The following GLCCI1 variants were observed in gnomAD, a reference collection of about 807,000 sequenced individuals.
GLCCI1 encodes the protein glucocorticoid-induced transcript 1 protein.
Under a neutral mutation model 52.2 loss-of-function variants are expected in GLCCI1, and 24 were observed. The ratio of observed to expected loss-of-function variants is 0.46; its 90% CI spans 0.33 to 0.65. The LOEUF (loss-of-function observed/expected upper bound fraction) is 0.65. Ranked by LOEUF, GLCCI1 falls within the 30% of genes least tolerant of loss-of-function variation. GLCCI1 has a pLI of 0.02. For missense variants in GLCCI1, 704 were observed against 701.5 expected (o/e 1.00, Z -0.04); for synonymous variants, 310 against 276.5 (o/e 1.12, Z -1.20).
At chr7:8,078,497 T>A (rs1026785060) in intron 6 of GLCCI1, 1 of 152,248 alleles carries the variant, frequency 6.6e-6, no homozygotes, top group East Asian at 1.9e-4. Flanking sequence ...CTAGGTGATA[T>A]ATGTATATAA....
rs111483020 is a variant in GLCCI1, at chr7:7,981,468, G to A, written c.457+11661G>A. The A allele has an allele frequency of 2.4e-4, 47 of 199,340 alleles. 1 individual carries two copies. Among genetic ancestry groups the A allele is most frequent in the African/African-American group, 6.5e-4 (27 of 41,726 alleles). 12.3% of individuals were successfully genotyped at this position (199,340 alleles called of 1,614,324 possible). On this transcript the variant is annotated intron_variant, in intron 1 of 7. Coordinates refer to ENST00000223145, the MANE Select transcript of GLCCI1 (RefSeq NM_138426.4). The stretch of plus-strand genomic sequence containing the variant: ...CTCCCAAGTAGCTGGGACTACAGGC[G>A]TGTGCCACCACACCTGGCTAATTTT...
chr7:8,061,380 G>T (rs1481505745), intron 5 of GLCCI1, among the ~76,000 whole-genome samples: 1 of 151,926 alleles, frequency 6.6e-6, no homozygotes, highest in Admixed American at 6.5e-5. Flanking sequence ...GATTACAGGC[G>T]TGAGCCACTG....
chr7:8,000,557 G>A (rs933294323), intron 1 of GLCCI1, among the ~76,000 whole-genome samples: 1 of 151,802 alleles, frequency 6.6e-6, no homozygotes, highest in Non-Finnish European at 1.5e-5. Context: ...CAACCAGAAG[G>A]CTCGCTACAA....
In GLCCI1 at chr7:8,070,991, T is replaced by C. The variant is rs756581695; in HGVS notation, c.1037T>C (p.Ile346Thr). The change falls in exon 6 of 8, where the codon ATT becomes ACT. Residue 346 changes from isoleucine (I) to threonine (T), a missense_variant. Physicochemically the swap from Ile to Thr is moderately conservative, Grantham distance 89. Transcript: ENST00000223145. ...AHYRSSSTRS[I>T]DTQTPSVQER... ...TACCGGAGCAGTAGTACTCGCAGCA[T>C]TGACACTCAGACTCCTTCTGTCCAG... is the stretch of plus-strand genomic sequence containing the variant. 4 of 1,614,222 alleles carry C rather than the reference T, an allele frequency of 2.5e-6. No homozygotes were observed. The South Asian group carries it at 3.3e-5, about 13-fold the overall frequency.
chr7:8,064,917 T>G lies in GLCCI1; in HGVS notation c.966+4669T>G, dbSNP rs541860634. ...TATTTTAGTAGAGACGGGGTTTCAC[T>G]GTGTTGGCCAGGATGGTCTCGATCT... On this transcript the variant is annotated intron_variant, in intron 5 of 7. Coordinates refer to ENST00000223145, the MANE Select transcript of GLCCI1 (RefSeq NM_138426.4). Among the ~76,000 whole-genome samples, 5 of 152,124 alleles carry G rather than the reference T, an allele frequency of 3.3e-5. No homozygotes were observed. In the South Asian group the frequency reaches 8.3e-4, roughly 25 times the overall value.
chr7:8,059,757 C>T (rs572630627), intron 4 of GLCCI1, among the ~76,000 whole-genome samples: 1 of 152,256 alleles, frequency 6.6e-6, no homozygotes, highest in African/African-American at 2.4e-5. Flanking sequence ...ATTTAAGTTA[C>T]GTGACTTCAA....
chr7:8,060,419 C>T (rs1782488281), intron 5 of GLCCI1, among the ~76,000 whole-genome samples, 171 bp downstream of exon 5: 1 of 152,132 alleles, frequency 6.6e-6, no homozygotes, highest in Non-Finnish European at 1.5e-5. Context: ...ACAACTGTCA[C>T]CACAATCAAT....
chr7:7,969,313 C>G lies in GLCCI1; in HGVS notation c.-38C>G, dbSNP rs1259346493. 4 of 1,403,350 alleles carry G rather than the reference C, an allele frequency of 2.9e-6. No homozygotes were observed. The highest frequency in any genetic ancestry group is 1.4e-5 in the South Asian group (1 of 73,880). 86.9% of individuals were successfully genotyped at this position (1,403,350 alleles called of 1,614,324 possible). A position where few individuals can be genotyped will look rare whatever the true frequency, so the allele number is the denominator to read the frequency against. ...TCGCGCGCCTCCCGCCCCGCGCCTC[C>G]GTGTCGGCCGGCGGCGTCCAGGGCC... On this transcript the variant is annotated 5_prime_UTR_variant, in exon 1 of 8. Transcript: ENST00000223145. This position sits in a 1 kb window ranked among gnomAD's most constrained non-coding sequence, Gnocchi z 4.9.
At chr7:8,053,678 C>T (rs940080520) in intron 3 of GLCCI1, among the ~76,000 whole-genome samples, 9 of 151,828 alleles carry the variant, frequency 5.9e-5, no homozygotes, top group South Asian at 2.1e-4. Context: ...AGTTGGGACC[C>T]GTTTCAAGTT....
intron 4 of GLCCI1, among the ~76,000 whole-genome samples, chr7:8,058,753 A>G (rs769825569): frequency 2.0e-5 from 3 of 152,220 alleles, no homozygotes; most frequent in East Asian, 1.9e-4. Flanking sequence ...TTCAACAACA[A>G]TGGGGGTTGG....
chr7:7,971,424 C>T (rs777618698), intron 1 of GLCCI1, among the ~76,000 whole-genome samples: 24 of 152,174 alleles, frequency 1.6e-4, no homozygotes, highest in Non-Finnish European at 2.2e-4. Flanking sequence ...AAAACAGTTA[C>T]ATAAATTTTT....
At chr7:8,023,191 A>G (rs1259701996) in intron 3 of GLCCI1, among the ~76,000 whole-genome samples, 1 of 151,800 alleles carries the variant, frequency 6.6e-6, no homozygotes, top group African/African-American at 2.4e-5. Flanking sequence ...AATTTTTTGT[A>G]TTTTTAGTAG....
At chr7:8,084,272 G>A (rs987424651) in intron 6 of GLCCI1, among the ~76,000 whole-genome samples, 8 of 152,162 alleles carry the variant, frequency 5.3e-5, no homozygotes, top group Admixed American at 1.3e-4. Context: ...TGGAGATTTT[G>A]CATGTCTTCT....
intron 6 of GLCCI1, among the ~76,000 whole-genome samples, chr7:8,073,152 C>T (rs943465459): frequency 6.6e-6 from 1 of 152,062 alleles, no homozygotes; most frequent in Non-Finnish European, 1.5e-5. Context: ...GCTTTGGGAC[C>T]ATAGGAATGC....
At chr7:8,081,647 G>T (rs1275706288) in intron 6 of GLCCI1, among the ~76,000 whole-genome samples, 1 of 152,154 alleles carries the variant, frequency 6.6e-6, no homozygotes, top group East Asian at 1.9e-4. Flanking sequence ...ACAAGTACAT[G>T]TAGTTTAATG....
At chr7:8,067,830 G>A (rs1317970955) in intron 5 of GLCCI1, among the ~76,000 whole-genome samples, 1 of 152,060 alleles carries the variant, frequency 6.6e-6, no homozygotes, top group Non-Finnish European at 1.5e-5. Flanking sequence ...ATGTATCTTG[G>A]GAATGGTCCT....
At chr7:8,079,465 T>C (rs562612170) in intron 6 of GLCCI1, among the ~76,000 whole-genome samples, 12 of 151,748 alleles carry the variant, frequency 7.9e-5, no homozygotes. Flanking sequence ...ATCATTATTT[T>C]AGTCTATAAA....
chr7:7,997,863 G>T (rs1251400611), intron 1 of GLCCI1, among the ~76,000 whole-genome samples: 1 of 151,850 alleles, frequency 6.6e-6, no homozygotes, highest in Non-Finnish European at 1.5e-5. Context: ...GGAGGCAGAG[G>T]TTACAGTGAG....
At chr7:7,986,971 C>A (rs1780750057) in intron 1 of GLCCI1, among the ~76,000 whole-genome samples, 1 of 152,128 alleles carries the variant, frequency 6.6e-6, no homozygotes, top group Admixed American at 6.5e-5. Flanking sequence ...ATTATTACTT[C>A]TTGCTTGGAC....
Sources: allele counts gnomAD v4.1 joint callset (sites outside exome capture counted in the v4.1 genomes callset), GRCh38; gene constraint gnomAD v4.1.1; non-coding constraint Gnocchi (gnomAD v3.1); transcripts MANE v1.5; gene names NCBI Gene and HGNC (gene_info 2026-07-23, HGNC 2026-07-21).